The following USP7 variants were observed in gnomAD, a reference collection of about 807,000 sequenced individuals.
USP7 encodes ubiquitin specific peptidase 7.
Under a neutral mutation model 162.9 loss-of-function variants are expected in USP7, and 9 were observed. The ratio of observed to expected loss-of-function variants is 0.06; its 90% CI spans 0.03 to 0.10. The LOEUF (loss-of-function observed/expected upper bound fraction) is 0.10, where lower values mean the gene tolerates loss of function less well. Among genes scored for constraint, USP7 ranks in the 10% least tolerant of loss-of-function variants. USP7 has a pLI of 1.00. For missense variants in USP7, 715 were observed against 1,373.7 expected, an observed-to-expected ratio of 0.52 and a Z score of 7.58; for synonymous variants, 562 against 475.9, an observed-to-expected ratio of 1.18 and a Z score of -2.35.
chr16:8,933,494 A>G (rs8045445), intron 1 of USP7, among the ~76,000 whole-genome samples: 39,870 of 152,160 alleles, frequency 0.26, 6,801 homozygotes, highest in African/African-American at 0.49. Context: ...TTCCCTTTAC[A>G]AAATTCAAAA....
intron 1 of USP7, chr16:8,935,866 A>G (rs892223450): frequency 6.6e-6 from 1 of 152,204 alleles, no homozygotes; most frequent in Non-Finnish European, 1.5e-5. Flanking sequence ...TTGTGATGTC[A>G]TAACACAGAA....
At chr16:8,905,397 C>T in intron 13 of USP7, 66 bp from the exon 14 acceptor site, 1 of 1,582,412 alleles carries the variant, frequency 6.3e-7, no homozygotes, top group Middle Eastern at 1.7e-4. Flanking sequence ...CACTAGAAGG[C>T]AGCGTTGTTC....
intron 1 of USP7, among the ~76,000 whole-genome samples, chr16:8,953,123 T>C (rs1266616933): frequency 6.6e-6 from 1 of 152,110 alleles, no homozygotes; most frequent in Non-Finnish European, 1.5e-5. Context: ...TGTGAGCCAC[T>C]ATGCCTGGCC....
intron 14 of USP7, 110 bp from the exon 15 acceptor site, chr16:8,904,675 GC>G: frequency 6.8e-7 from 1 of 1,476,344 alleles, no homozygotes; most frequent in East Asian, 2.3e-5. Flanking sequence ...CGGCGTGGTG[GC>G]TTACGCCTGT....
chr16:8,931,694 A>G (rs1898351384), intron 1 of USP7, among the ~76,000 whole-genome samples: 1 of 152,228 alleles, frequency 6.6e-6, no homozygotes, highest in African/African-American at 2.4e-5. Flanking sequence ...ACAACATTCC[A>G]ATCACTTTTC....
chr16:8,929,403 G>A, intron 2 of USP7: 2 of 445,382 alleles, frequency 4.5e-6, no homozygotes, highest in South Asian at 3.2e-5. Flanking sequence ...GCTGCCAGGG[G>A]TAAACCGCAC....
chr16:8,901,565 T>C (rs1410940236), intron 18 of USP7, among the ~76,000 whole-genome samples: 3 of 152,140 alleles, frequency 2.0e-5, no homozygotes, highest in East Asian at 3.9e-4. Flanking sequence ...CACGGGAAGA[T>C]TGCGCATGGT....
chr16:8,941,446 G>A (rs1899041611), intron 1 of USP7, among the ~76,000 whole-genome samples: 1 of 152,220 alleles, frequency 6.6e-6, no homozygotes, highest in African/African-American at 2.4e-5. Flanking sequence ...GGAAGGACCT[G>A]AGGGGTAAAG....
intron 30 of USP7, 71 bp downstream of exon 30, chr16:8,894,479 C>A: frequency 6.6e-7 from 1 of 1,507,156 alleles, no homozygotes; most frequent in Non-Finnish European, 9.0e-7. Flanking sequence ...GGGGCTGCCC[C>A]TCCCAGCCCC....
At chr16:8,956,840 C>T (rs933621168) in intron 1 of USP7, among the ~76,000 whole-genome samples, 2 of 152,114 alleles carry the variant, frequency 1.3e-5, no homozygotes, top group African/African-American at 4.8e-5. Context: ...AGAGCCCAGC[C>T]CCCCCGCAGG....
intron 1 of USP7, among the ~76,000 whole-genome samples, chr16:8,940,367 G>C (rs528670427): frequency 1.0e-3 from 153 of 152,320 alleles, no homozygotes; most frequent in Middle Eastern, 3.4e-3. Context: ...TCCAGCACAG[G>C]ACCAGCCTCC....
chr16:8,941,298 A>C (rs1162697425), intron 1 of USP7, among the ~76,000 whole-genome samples: 5 of 152,252 alleles, frequency 3.3e-5, no homozygotes, highest in Admixed American at 3.3e-4. Context: ...GCACCTTTCT[A>C]AGCTGCTACC....
intron 25 of USP7, 108 bp from the exon 26 acceptor site, chr16:8,897,207 T>G: frequency 3.6e-6 from 3 of 836,140 alleles, no homozygotes; most frequent in South Asian, 3.2e-5. Flanking sequence ...TGTCCCCAGC[T>G]GGCCCCCATG....
At chr16:8,927,750 C>T (rs1286822031) in intron 2 of USP7, among the ~76,000 whole-genome samples, 4 of 152,192 alleles carry the variant, frequency 2.6e-5, no homozygotes, top group Non-Finnish European at 4.4e-5. Context: ...GCAGAAGAAT[C>T]GCAAAAACCC....
chr16:8,933,990 C>T (rs537654560), intron 1 of USP7, among the ~76,000 whole-genome samples: 1 of 152,244 alleles, frequency 6.6e-6, no homozygotes, highest in South Asian at 2.1e-4. Flanking sequence ...CTCATGACCT[C>T]AAGTGATCTG....
At chr16:8,897,952 G>A (rs1377811468) in intron 25 of USP7, among the ~76,000 whole-genome samples, 1 of 151,388 alleles carries the variant, frequency 6.6e-6, no homozygotes, top group East Asian at 2.0e-4. Context: ...GGAGCAAGCA[G>A]GTGACACTGG....
chr16:8,943,431 G>A (rs768057432), intron 1 of USP7, among the ~76,000 whole-genome samples: 2 of 152,070 alleles, frequency 1.3e-5, no homozygotes, highest in African/African-American at 4.8e-5. Context: ...GGCCGGAACC[G>A]AGCTGCACAG....
intron 1 of USP7, among the ~76,000 whole-genome samples, chr16:8,944,220 G>C (rs975763266): frequency 3.1e-5 from 4 of 128,294 alleles, no homozygotes; most frequent in Non-Finnish European, 6.6e-5. Flanking sequence ...AATACGCAGA[G>C]CAACAGAGGT....
intron 8 of USP7, 132 bp from the exon 9 acceptor site, chr16:8,915,657 A>AT: frequency 1.3e-6 from 1 of 787,328 alleles, no homozygotes; most frequent in Non-Finnish European, 2.0e-6. Flanking sequence ...CTGGCATGCA[A>AT]TTCTCAAAAA....
Sources: allele counts gnomAD v4.1 joint callset (sites outside exome capture counted in the v4.1 genomes callset), GRCh38; gene constraint gnomAD v4.1.1; transcripts MANE v1.5; gene names NCBI Gene and HGNC (gene_info 2026-07-23, HGNC 2026-07-21).